ACTR3B: variants seen among roughly 807,000 people sequenced by gnomAD.
The protein encoded by ACTR3B is actin-related protein 3B.
Under a neutral mutation model 59.0 loss-of-function variants are expected in ACTR3B, and 8 were observed. The observed-to-expected ratio is 0.14, with a 90% confidence interval of 0.08 to 0.24. The LOEUF is 0.24. Ranked by LOEUF, ACTR3B falls within the 10% of genes least tolerant of loss-of-function variation. The pLI, the probability that ACTR3B is intolerant of heterozygous loss-of-function variation, is 1.00. For synonymous variants in ACTR3B, 148 were observed against 197.9 expected (o/e 0.75, Z 2.12); for missense variants, 245 against 552.3 (o/e 0.44, Z 5.58).
intron 9 of ACTR3B, among the ~76,000 whole-genome samples, chr7:152,841,606 GT>G: frequency 1.3e-5 from 2 of 152,322 alleles, no homozygotes; most frequent in Non-Finnish European, 2.9e-5. Context: ...AGTGCATATT[GT>G]TTTCCTGTTG....
At chr7:152,764,962 A>G (rs924344623) in intron 1 of ACTR3B, among the ~76,000 whole-genome samples, 7 of 152,194 alleles carry the variant, frequency 4.6e-5, no homozygotes, top group Non-Finnish European at 8.8e-5. Flanking sequence ...TATAAAGAAA[A>G]GAATAGAATG....
intron 2 of ACTR3B, among the ~76,000 whole-genome samples, chr7:152,797,062 T>A (rs182263559): frequency 6.6e-6 from 1 of 151,878 alleles, no homozygotes; most frequent in Non-Finnish European, 1.5e-5. Flanking sequence ...CACAAGGATT[T>A]AAAAAATTTT....
chr7:152,847,495 TC>T (rs1798444308), intron 9 of ACTR3B, among the ~76,000 whole-genome samples: 1 of 152,194 alleles, frequency 6.6e-6, no homozygotes, highest in Non-Finnish European at 1.5e-5. Context: ...GCTTCAGCTC[TC>T]CTATTTGTCT....
rs183643173 is a variant in ACTR3B, at chr7:152,760,311, A to T, written c.44+385A>T. 2.0e-5 allele frequency among the ~76,000 whole-genome samples: 3 copies of T among 151,924 alleles called. No individual in the cohort carries two copies. In the East Asian group the frequency reaches 5.8e-4, roughly 29 times the overall value. The stretch of plus-strand genomic sequence containing the variant: ...ATCTCCCCTCCTAGGAATATTCGCC[A>T]GCGTGAGGCACAGATCATCACTGCA... On this transcript the variant is annotated intron_variant, in intron 1 of 11. Coordinates refer to ENST00000256001, the MANE Select transcript of ACTR3B (RefSeq NM_020445.6).
intron 1 of ACTR3B, among the ~76,000 whole-genome samples, chr7:152,779,258 G>T (rs979715241): frequency 6.6e-6 from 1 of 151,842 alleles, no homozygotes; most frequent in Non-Finnish European, 1.5e-5. Flanking sequence ...TTAGTGAATC[G>T]CGCACAGCCC....
chr7:152,796,885 T>G (rs995409364), intron 2 of ACTR3B, among the ~76,000 whole-genome samples: 2,688 of 122,754 alleles, frequency 0.022, 39 homozygotes, highest in Non-Finnish European at 0.034. Context: ...TTTTTTTTTT[T>G]TTTTTTTTTT....
At chr7:152,801,527 T>G (rs2098236721) in intron 3 of ACTR3B, 94 bp from the exon 4 acceptor site, 1 of 1,541,802 alleles carries the variant, frequency 6.5e-7, no homozygotes, top group Non-Finnish European at 8.8e-7. Flanking sequence ...GATACCTTTA[T>G]TCTTAATAAC....
At chr7:152,815,245 A>C (rs548462100) in intron 5 of ACTR3B, among the ~76,000 whole-genome samples, 1 of 152,248 alleles carries the variant, frequency 6.6e-6, no homozygotes, top group African/African-American at 2.4e-5. Context: ...GGAGGAGGAA[A>C]AGTTCCATAG....
intron 9 of ACTR3B, among the ~76,000 whole-genome samples, chr7:152,829,395 T>G (rs1436912835): frequency 2.0e-5 from 3 of 152,248 alleles, no homozygotes; most frequent in African/African-American, 4.8e-5. Context: ...CACTCTCTGC[T>G]TCTGTGAGTT....
At chr7:152,810,454 CTA>C (rs1795130886) in intron 4 of ACTR3B, among the ~76,000 whole-genome samples, 1 of 145,048 alleles carries the variant, frequency 6.9e-6, no homozygotes, top group East Asian at 2.1e-4. Context: ...GAGGGGGTCT[CTA>C]TGTTGTCCAA....
intron 4 of ACTR3B, chr7:152,811,248 G>C (rs1333031969): frequency 6.7e-6 from 1 of 148,234 alleles, no homozygotes; most frequent in African/African-American, 2.5e-5. Context: ...TTTAGTAATA[G>C]CAACTCACTT....
intron 1 of ACTR3B, among the ~76,000 whole-genome samples, chr7:152,772,982 T>C (rs2098127837): frequency 7.2e-6 from 1 of 138,104 alleles, no homozygotes; most frequent in Non-Finnish European, 1.5e-5. Flanking sequence ...TAAGGAATAC[T>C]GTTTCATTTT....
At chr7:152,794,774 G>A (rs1056312765) in intron 2 of ACTR3B, among the ~76,000 whole-genome samples, 2 of 152,084 alleles carry the variant, frequency 1.3e-5, no homozygotes, top group African/African-American at 4.8e-5. Context: ...TCTAGCCCAT[G>A]TTCAGCCCAA....
chr7:152,790,254 A>G (rs143900151), intron 2 of ACTR3B, among the ~76,000 whole-genome samples: 1,779 of 152,260 alleles, frequency 0.012, 6 homozygotes, highest in East Asian at 0.031. Context: ...TGGTCTCTCA[A>G]AGTGTTGAAA....
At chr7:152,826,260 ATTTCAT>A (rs1302338263) in intron 9 of ACTR3B, among the ~76,000 whole-genome samples, 2 of 152,152 alleles carry the variant, frequency 1.3e-5, no homozygotes, top group Admixed American at 6.5e-5. Context: ...ATTTACATAT[ATTTCAT>A]TTTATATAAA....
rs531670047 is a variant in ACTR3B at position 152,820,453 on chromosome 7, A to G, written c.684+11A>G. The G allele has an allele frequency of 1.9e-6, 3 of 1,602,906 alleles. No individual in the cohort carries two copies. Among genetic ancestry groups the G allele is most frequent in the African/African-American group, 1.3e-5 (1 of 74,898 alleles). On this transcript the variant is annotated intron_variant, in intron 7 of 11. Transcript: ENST00000256001. ...GCAAAAGCCATTAAGGTAAAAACAG[A>G]TGGGAAACCGGCCGGTTTGGGGGTG... is the stretch of plus-strand genomic sequence containing the variant.
intron 2 of ACTR3B, among the ~76,000 whole-genome samples, chr7:152,786,883 T>C (rs758379537): frequency 3.3e-4 from 50 of 152,332 alleles, no homozygotes; most frequent in Admixed American, 1.4e-3. Context: ...CCCTCAATAT[T>C]ATGTTTTTAT....
intron 9 of ACTR3B, among the ~76,000 whole-genome samples, chr7:152,849,863 C>T (rs1386901210): frequency 4.6e-5 from 7 of 152,250 alleles, no homozygotes; most frequent in South Asian, 4.1e-4. Flanking sequence ...AGGTGGAAGA[C>T]GAGGTCACTG....
At chr7:152,835,321 TGATA>T (rs1797361486) in intron 9 of ACTR3B, among the ~76,000 whole-genome samples, 1 of 152,152 alleles carries the variant, frequency 6.6e-6, no homozygotes, top group African/African-American at 2.4e-5. Flanking sequence ...GCTTGATATG[TGATA>T]GATATTACTA....
Sources: allele counts gnomAD v4.1 joint callset (sites outside exome capture counted in the v4.1 genomes callset), GRCh38; gene constraint gnomAD v4.1.1; transcripts MANE v1.5; gene names NCBI Gene and HGNC (gene_info 2026-07-23, HGNC 2026-07-21).